The following BEGAIN variants were observed in gnomAD, a reference collection of about 807,000 sequenced individuals.
BEGAIN encodes the protein brain-enriched guanylate kinase-associated protein.
BEGAIN carries 19 observed loss-of-function variants against 35.8 expected under a neutral mutation model. That is an observed-to-expected ratio of 0.53 (90% confidence interval 0.37 to 0.78). BEGAIN has a LOEUF of 0.78. Ranked by LOEUF, BEGAIN falls within the 30% of genes least tolerant of loss-of-function variation. The probability of loss-of-function intolerance (pLI) is 0.00; values close to 1 mark genes in which losing one functional copy is unlikely to be tolerated. For synonymous variants in BEGAIN, 462 were observed against 388.6 expected (o/e 1.19, Z -2.22); for missense variants, 795 against 853.6 (o/e 0.93, Z 0.85).
At chr14:100,544,259 T>C (rs995569181) in intron 4 of BEGAIN, among the ~76,000 whole-genome samples, 2 of 152,096 alleles carry the variant, frequency 1.3e-5, no homozygotes, top group African/African-American at 2.4e-5. Context: ...GGAGGACAGA[T>C]GACTTGTGCC....
Position 100,568,862 on chromosome 14 carries a change from G to A in BEGAIN, c.43-923C>T, listed in dbSNP as rs1328359889. 1.0e-6 allele frequency: 1 copy of A among 986,152 alleles called. No homozygotes were observed. The highest frequency in any genetic ancestry group is 1.1e-4 in the East Asian group (1 of 8,810). The allele number at this position is 986,152 out of a possible 1,614,324, so 61.1% of individuals were successfully genotyped here. The stretch of plus-strand genomic sequence containing the variant: ...TCTGTGCCGTGACTGGCACTCAAGG[G>A]GGACAGGGGTCCGAGCTCAGGGACC... On this transcript the variant is annotated intron_variant, in intron 1 of 6. Transcript: ENST00000554140. This position sits in a 1 kb window ranked among gnomAD's most constrained non-coding sequence, Gnocchi z 7.5.
In BEGAIN at chr14:100,541,111, G is replaced by T. The variant is rs531290384; in HGVS notation, c.409-532C>A. On this transcript the variant is annotated intron_variant, in intron 5 of 6. Coordinates refer to ENST00000554140, the MANE Select transcript of BEGAIN (RefSeq NM_001385089.1). The stretch of plus-strand genomic sequence containing the variant: ...ACAGTGTGGCTGCAGGGCTGGGCAG[G>T]GACTGGGCAGGTGTGTGACCTCAGG... Among the ~76,000 whole-genome samples the T allele has an allele frequency of 2.6e-5, 4 of 152,378 alleles. No homozygotes were observed. In the East Asian group the frequency reaches 5.8e-4, roughly 22 times the overall value.
rs1438133072 is a variant in BEGAIN at position 100,567,746 on chromosome 14, G to GCGCACACACGCAC, written c.71+152_71+164dup. Among the ~76,000 whole-genome samples, 1 of 150,794 alleles carries GCGCACACACGCAC rather than the reference G, an allele frequency of 6.6e-6. No individual in the cohort carries two copies. The highest frequency in any genetic ancestry group is 2.4e-5 in the African/African-American group (1 of 41,192). ...GCGAGGCTCCCCAGCGCCTCGCGGCGCGCACACACGCACCACACACACGCA... is the reference window on the plus strand; with the variant it reads ...GCGAGGCTCCCCAGCGCCTCGCGGCGCGCACACACGCACCGCACACACGCACCACACACACGCA... On this transcript the variant is annotated intron_variant, in intron 2 of 6. Coordinates refer to ENST00000554140, the MANE Select transcript of BEGAIN (RefSeq NM_001385089.1). This position sits in a 1 kb window ranked among gnomAD's most constrained non-coding sequence, Gnocchi z 5.1.
chr14:100,577,519 C>T (rs1029856532), intron 1 of BEGAIN: 4 of 399,154 alleles, frequency 1.0e-5, no homozygotes, highest in African/African-American at 2.1e-5. Context: ...ACCTTGGCCT[C>T]GATCCACTGC....
Position 100,546,780 on chromosome 14 carries a change from GCACACACACACACA to G in BEGAIN, c.72-132_72-119del, listed in dbSNP as rs879183769. ...CGAGTACCGGCGCGCGCGCGCGCGCGCACACACACACACACACACACACACACACACACTCACAC... is the reference window on the plus strand; with the variant it reads ...CGAGTACCGGCGCGCGCGCGCGCGCGCACACACACACACACACACTCACAC... On this transcript the variant is annotated intron_variant, in intron 2 of 6. Coordinates refer to ENST00000554140, the MANE Select transcript of BEGAIN (RefSeq NM_001385089.1). 318 of 343,814 alleles carry G rather than the reference GCACACACACACACA, an allele frequency of 9.2e-4. 3 individuals carry two copies. The highest frequency in any genetic ancestry group is 7.4e-3 in the African/African-American group (247 of 33,242). 21.3% of individuals were successfully genotyped at this position (343,814 alleles called of 1,614,324 possible). A position where few individuals can be genotyped will look rare whatever the true frequency, so the allele number is the denominator to read the frequency against.
intron 2 of BEGAIN, among the ~76,000 whole-genome samples, chr14:100,565,937 C>T (rs1329209995): frequency 6.6e-6 from 1 of 152,240 alleles, no homozygotes; most frequent in African/African-American, 2.4e-5. Flanking sequence ...TGCTGACCAA[C>T]TTCCCTTCCA....
rs574725444 is a variant in BEGAIN, at chr14:100,573,502, T to C, written c.43-5563A>G. Reference sequence around the variant, plus strand: ...CTGGAGGGATGAATGGGGGCGTCTCTGGCACACCACTGTGTGGAGAGGGGC... The same window carrying C: ...CTGGAGGGATGAATGGGGGCGTCTCCGGCACACCACTGTGTGGAGAGGGGC... On this transcript the variant is annotated intron_variant, in intron 1 of 6. Coordinates refer to ENST00000554140, the MANE Select transcript of BEGAIN (RefSeq NM_001385089.1). This position sits in a 1 kb window ranked among gnomAD's most constrained non-coding sequence, Gnocchi z 4.2. Among the ~76,000 whole-genome samples the C allele has an allele frequency of 1.0e-3, 158 of 152,154 alleles. No homozygotes were observed. Among genetic ancestry groups the C allele is most frequent in the Middle Eastern group, 6.8e-3 (2 of 294 alleles).
chr14:100,568,778 G>A lies in BEGAIN; in HGVS notation c.43-839C>T. On this transcript the variant is annotated intron_variant, in intron 1 of 6. Transcript: ENST00000554140. This position sits in a 1 kb window ranked among gnomAD's most constrained non-coding sequence, Gnocchi z 7.5. ...TCGCACTTCCTGCGTGGAGCTGGGG[G>A]CGCCGGGCGGGCTCTCTATCACCCG... The A allele has an allele frequency of 1.2e-6, 1 of 809,778 alleles. No homozygotes were observed. The highest frequency in any genetic ancestry group is 1.5e-6 in the Non-Finnish European group (1 of 668,654). 50.2% of individuals were successfully genotyped at this position (809,778 alleles called of 1,614,324 possible).
rs533174513 is a variant in BEGAIN at position 100,559,012 on chromosome 14, TG to T, written c.71+8898del. On this transcript the variant is annotated intron_variant, in intron 2 of 6. Transcript: ENST00000554140. Reference sequence around the variant, plus strand: ...GGGGGGAGCAGACAAGGGGTGGGCCTGGGGTCAGCTGGCAGAAGGCCCTGAG... The same window carrying T: ...GGGGGGAGCAGACAAGGGGTGGGCCTGGGTCAGCTGGCAGAAGGCCCTGAG... Among the ~76,000 whole-genome samples, 53 of 152,082 alleles carry T rather than the reference TG, an allele frequency of 3.5e-4. 1 individual carries two copies. Among genetic ancestry groups the T allele is most frequent in the African/African-American group, 1.3e-3 (52 of 41,486 alleles).
At chr14:100,557,339 G>A (rs535941517) in intron 2 of BEGAIN, among the ~76,000 whole-genome samples, 1 of 152,266 alleles carries the variant, frequency 6.6e-6, no homozygotes, top group African/African-American at 2.4e-5. Context: ...ACGCACACAA[G>A]CCATGCTTGC....
chr14:100,562,313 C>T (rs1023430555), intron 2 of BEGAIN, among the ~76,000 whole-genome samples: 16 of 152,078 alleles, frequency 1.1e-4, no homozygotes, highest in African/African-American at 3.9e-4. Context: ...AATTAGTTCC[C>T]CACCCTCAAT....
intron 1 of BEGAIN, among the ~76,000 whole-genome samples, chr14:100,578,672 T>C (rs1479318516): frequency 6.6e-6 from 1 of 152,170 alleles, no homozygotes; most frequent in African/African-American, 2.4e-5. Flanking sequence ...TTCACCAACC[T>C]CCTGCTTCTT....
chr14:100,574,869 C>T lies in BEGAIN; in HGVS notation c.43-6930G>A, dbSNP rs138419640. On this transcript the variant is annotated intron_variant, in intron 1 of 6. Coordinates refer to ENST00000554140, the MANE Select transcript of BEGAIN (RefSeq NM_001385089.1). ...ACTTGCATTGGGGGTGCTGTCATGA[C>T]CCCACCCAGGGCCATGCCCCTGGCC... 8.9e-3 allele frequency among the ~76,000 whole-genome samples: 1,351 copies of T among 152,302 alleles called. 25 individuals are homozygous for T. Among genetic ancestry groups the T allele is most frequent in the African/African-American group, 0.031 (1,281 of 41,558 alleles).
In BEGAIN at chr14:100,567,670, C is replaced by A. The variant is rs986120801; in HGVS notation, c.71+241G>T. Among the ~76,000 whole-genome samples the A allele has an allele frequency of 1.3e-4, 19 of 151,602 alleles. No homozygotes were observed. The highest frequency in any genetic ancestry group is 4.6e-4 in the African/African-American group (19 of 41,472). ...TAGGGGGCAGCCCGGCCCTCAGTGGCGCTAGCCCCAGCCCCCGCCGCAGCG... is the reference window on the plus strand; with the variant it reads ...TAGGGGGCAGCCCGGCCCTCAGTGGAGCTAGCCCCAGCCCCCGCCGCAGCG... On this transcript the variant is annotated intron_variant, in intron 2 of 6. Coordinates refer to ENST00000554140, the MANE Select transcript of BEGAIN (RefSeq NM_001385089.1). This position sits in a 1 kb window ranked among gnomAD's most constrained non-coding sequence, Gnocchi z 5.1.
chr14:100,540,734 G>T (rs1367067232), intron 5 of BEGAIN, among the ~76,000 whole-genome samples, 155 bp from the exon 6 acceptor site: 1 of 152,180 alleles, frequency 6.6e-6, no homozygotes, highest in African/African-American at 2.4e-5. Flanking sequence ...GCCCTCTCTG[G>T]CCTCCACACT....
intron 1 of BEGAIN, among the ~76,000 whole-genome samples, chr14:100,583,858 A>C (rs1305971970): frequency 6.7e-6 from 1 of 148,426 alleles, no homozygotes; most frequent in Non-Finnish European, 1.5e-5. Flanking sequence ...CACCACACCC[A>C]CCTAATTTTT....
chr14:100,540,615 C>T, intron 5 of BEGAIN, 36 bp from the exon 6 acceptor site: 1 of 1,523,832 alleles, frequency 6.6e-7, no homozygotes, highest in Non-Finnish European at 8.9e-7. Flanking sequence ...CGCCATTCAC[C>T]CCAGCCAAGG....
At position 100,568,636 on chromosome 14, in the gene BEGAIN, T is replaced by A; in HGVS notation, c.43-697A>T. Reference sequence around the variant, plus strand: ...CCGCGCGCGGCTTGGAGACCCTCCCTGCCCAGCCCCGCTCAGCCGGGCAGC... The same window carrying A: ...CCGCGCGCGGCTTGGAGACCCTCCCAGCCCAGCCCCGCTCAGCCGGGCAGC... On this transcript the variant is annotated intron_variant, in intron 1 of 6. Transcript: ENST00000554140. The surrounding 1 kb of genome is among the most constrained non-coding windows in gnomAD (Gnocchi z 7.5). 1 of 682,930 alleles carries A rather than the reference T, an allele frequency of 1.5e-6. No individual in the cohort carries two copies. Among genetic ancestry groups the A allele is most frequent in the Non-Finnish European group, 1.9e-6 (1 of 516,660 alleles). The allele number at this position is 682,930 out of a possible 1,614,324, so 42.3% of individuals were successfully genotyped here. A position where few individuals can be genotyped will look rare whatever the true frequency, so the allele number is the denominator to read the frequency against.
intron 3 of BEGAIN, chr14:100,545,292 T>G: frequency 7.3e-7 from 1 of 1,369,468 alleles, no homozygotes; most frequent in Non-Finnish European, 9.4e-7. Context: ...AGGACTGTAT[T>G]TCCCCCTCCA....
Sources: gnomAD v4.1 joint callset for allele counts (sites outside exome capture counted in the v4.1 genomes callset) on GRCh38, gnomAD v4.1.1 for gene constraint, Gnocchi (gnomAD v3.1) non-coding constraint, MANE v1.5 for transcripts, NCBI Gene and HGNC (gene_info 2026-07-23, HGNC 2026-07-21) for gene names.